CACNA1E: variants seen among roughly 807,000 people sequenced by gnomAD.
CACNA1E encodes the protein calcium voltage-gated channel subunit alpha1 E.
Under a neutral mutation model 259.2 loss-of-function variants are expected in CACNA1E, and 40 were observed. The ratio of observed to expected loss-of-function variants is 0.15; its 90% CI spans 0.12 to 0.20. CACNA1E has a LOEUF of 0.20. CACNA1E is among the 10% of genes least tolerant of loss of function. CACNA1E has a pLI of 1.00. For synonymous variants in CACNA1E, 1,104 were observed against 1,138.5 expected (o/e 0.97, Z 0.61); for missense variants, 1,874 against 3,040.1 (o/e 0.62, Z 9.02).
chr1:181,578,092 G>A (rs984831803), intron 4 of CACNA1E, among the ~76,000 whole-genome samples: 5 of 152,240 alleles, frequency 3.3e-5, no homozygotes, highest in African/African-American at 9.6e-5. Context: ...AGAAAATGTG[G>A]AAAGTAAACA....
At chr1:181,493,087 A>G (rs1186915689) in intron 1 of CACNA1E, among the ~76,000 whole-genome samples, 3 of 152,158 alleles carry the variant, frequency 2.0e-5, no homozygotes, top group Non-Finnish European at 2.9e-5. Context: ...GGGATCACAA[A>G]TCCTACTGAC....
At chr1:181,667,537 G>T (rs191387598) in intron 7 of CACNA1E, among the ~76,000 whole-genome samples, 19 of 152,164 alleles carry the variant, frequency 1.2e-4, no homozygotes, top group Non-Finnish European at 1.5e-5. Flanking sequence ...AAGAAAAGAG[G>T]GAGGAAAGAT....
In CACNA1E at chr1:181,776,894, G is replaced by T. The variant is rs1252048591; in HGVS notation, c.5267+666G>T. Among the ~76,000 whole-genome samples, 2 of 152,214 alleles carry T rather than the reference G, an allele frequency of 1.3e-5. No individual in the cohort carries two copies. The highest frequency in any genetic ancestry group is 4.8e-5 in the African/African-American group (2 of 41,460). ...TCCCATGGGCAAAATTCAGCCCATT[G>T]TCTGTTTTTGCAAATAAAGTTTTAT... On this transcript the variant is annotated intron_variant, in intron 38 of 47. Transcript: ENST00000367573. This position sits in a 1 kb window ranked among gnomAD's most constrained non-coding sequence, Gnocchi z 4.4.
chr1:181,523,508 T>C (rs929735746), intron 3 of CACNA1E, among the ~76,000 whole-genome samples: 3 of 152,220 alleles, frequency 2.0e-5, no homozygotes, highest in Non-Finnish European at 4.4e-5. Flanking sequence ...TGAATTCATA[T>C]CTTTGCTCTA....
chr1:181,759,462 T>G (rs367997963), intron 32 of CACNA1E, among the ~76,000 whole-genome samples: 9 of 151,554 alleles, frequency 5.9e-5, no homozygotes, highest in Admixed American at 3.9e-4. Flanking sequence ...GAATTAAGTT[T>G]GAGGAGGTTT....
At chr1:181,405,879 A>G (rs1225504716) in intron 1 of CACNA1E, among the ~76,000 whole-genome samples, 1 of 152,192 alleles carries the variant, frequency 6.6e-6, no homozygotes, top group African/African-American at 2.4e-5. Flanking sequence ...GAGTTTAGGA[A>G]GACTCTGAGG....
chr1:181,573,540 A>C (rs758615118), intron 3 of CACNA1E, among the ~76,000 whole-genome samples: 1 of 152,206 alleles, frequency 6.6e-6, no homozygotes, highest in African/African-American at 2.4e-5. Context: ...GGAAGATCCC[A>C]CGGGACAGGA....
intron 7 of CACNA1E, among the ~76,000 whole-genome samples, chr1:181,704,785 C>CT (rs1354729431): frequency 1.3e-5 from 2 of 152,160 alleles, no homozygotes; most frequent in African/African-American, 2.4e-5. Flanking sequence ...GTAAACAAAG[C>CT]TCCCTGCATG....
intron 34 of CACNA1E, 143 bp from the exon 35 acceptor site, chr1:181,766,403 C>G: frequency 1.5e-6 from 1 of 652,080 alleles, no homozygotes; most frequent in Non-Finnish European, 2.8e-6. Context: ...CACCTCAAAA[C>G]AGAACAACCC....
intron 25 of CACNA1E, among the ~76,000 whole-genome samples, chr1:181,741,122 T>C (rs1454067584): frequency 6.6e-6 from 1 of 152,194 alleles, no homozygotes; most frequent in African/African-American, 2.4e-5. Flanking sequence ...AAATCATGTG[T>C]CTCTCTTTGA....
intron 34 of CACNA1E, among the ~76,000 whole-genome samples, chr1:181,764,199 G>A (rs1433224357): frequency 6.6e-6 from 1 of 152,148 alleles, no homozygotes; most frequent in Non-Finnish European, 1.5e-5. Flanking sequence ...CTGAGACCCA[G>A]ACTTTGAGTA....
At chr1:181,760,753 T>C (rs1315669128) in intron 32 of CACNA1E, among the ~76,000 whole-genome samples, 1 of 152,232 alleles carries the variant, frequency 6.6e-6, no homozygotes, top group Admixed American at 6.5e-5. Context: ...AGGGCCAGGA[T>C]TCAGACCCTG....
intron 1 of CACNA1E, among the ~76,000 whole-genome samples, chr1:181,411,326 TG>T: frequency 6.6e-6 from 1 of 152,150 alleles, no homozygotes; most frequent in East Asian, 1.9e-4. Flanking sequence ...TGCTTTCACT[TG>T]GGCAGGTCCA....
At chr1:181,473,226 A>G (rs1375655765) in intron 2 of CACNA1E, among the ~76,000 whole-genome samples, 2 of 152,136 alleles carry the variant, frequency 1.3e-5, no homozygotes, top group Non-Finnish European at 2.9e-5. Context: ...AGTTTGGCTG[A>G]TACCTTTTGC....
At chr1:181,713,973 C>G (rs112980771) in intron 8 of CACNA1E, among the ~76,000 whole-genome samples, 1 of 152,198 alleles carries the variant, frequency 6.6e-6, no homozygotes, top group Non-Finnish European at 1.5e-5. Context: ...AGAACTCCAA[C>G]AAGCAAATAT....
intron 7 of CACNA1E, among the ~76,000 whole-genome samples, chr1:181,677,292 T>A (rs558497072): frequency 4.3e-4 from 66 of 152,296 alleles, no homozygotes; most frequent in African/African-American, 1.6e-3. Flanking sequence ...CTCCAGTATG[T>A]CCCGTGTCTC....
At chr1:181,428,598 G>C (rs1377908791) in intron 2 of CACNA1E, among the ~76,000 whole-genome samples, 1 of 152,126 alleles carries the variant, frequency 6.6e-6, no homozygotes, top group Non-Finnish European at 1.5e-5. Context: ...AGGTGGTGGT[G>C]ATGGTTGGTG....
chr1:181,425,629 T>C (rs3898528), intron 2 of CACNA1E, among the ~76,000 whole-genome samples: 80,487 of 148,736 alleles, frequency 0.54, 21,826 homozygotes, highest in Admixed American at 0.63. Flanking sequence ...TCATTGAAGG[T>C]GCAGGTGAGA....
chr1:181,782,246 T>A (rs1660490899), intron 39 of CACNA1E, among the ~76,000 whole-genome samples: 1 of 152,240 alleles, frequency 6.6e-6, no homozygotes, highest in Non-Finnish European at 1.5e-5. Flanking sequence ...TGGCATAACA[T>A]AGTTATGGGG....
Sources: allele counts gnomAD v4.1 joint callset (sites outside exome capture counted in the v4.1 genomes callset), GRCh38; gene constraint gnomAD v4.1.1; non-coding constraint Gnocchi (gnomAD v3.1); transcripts MANE v1.5; gene names NCBI Gene and HGNC (gene_info 2026-07-23, HGNC 2026-07-21).